CTSS: variants seen among roughly 807,000 people sequenced by gnomAD.
CTSS encodes cathepsin S.
Under a neutral mutation model 39.9 loss-of-function variants are expected in CTSS, and 15 were observed. The observed-to-expected ratio is 0.38, with a 90% CI of 0.25 to 0.58. The LOEUF (loss-of-function observed/expected upper bound fraction) is 0.58. CTSS is among the 20% of genes least tolerant of loss of function. The probability of loss-of-function intolerance (pLI) is 0.70; values close to 1 mark genes in which losing one functional copy is unlikely to be tolerated. For missense variants in CTSS, 250 were observed against 398.2 expected (o/e 0.63, Z 3.17); for synonymous variants, 126 against 138.2 (o/e 0.91, Z 0.62).
chr1:150,758,051 C>T, intron 2 of CTSS, 71 bp from the exon 3 acceptor site: 3 of 1,431,760 alleles, frequency 2.1e-6, no homozygotes, highest in South Asian at 1.3e-5. Context: ...ATGAAAATGG[C>T]AATTTTTTTT....
At chr1:150,751,702 A>C in intron 5 of CTSS, 79 bp downstream of exon 5, 1 of 1,286,312 alleles carries the variant, frequency 7.8e-7, no homozygotes. Context: ...AGCAATTGGC[A>C]TGGTGGCAAG....
chr1:150,741,587 A>T (rs1652757136), intron 7 of CTSS, among the ~76,000 whole-genome samples: 1 of 152,216 alleles, frequency 6.6e-6, no homozygotes, highest in African/African-American at 2.4e-5. Context: ...AAGTAATGGG[A>T]CACTGGCTGT....
rs587600777 is a variant in CTSS at position 150,759,936 on chromosome 1, G to A, written c.127-1956C>T. On this transcript the variant is annotated intron_variant, in intron 2 of 7. Transcript: ENST00000368985. ...AGGTTTTACTGTTACCCCAGTAATG[G>A]ACATAATGGGCATGCATGATGGGCT... Among the ~76,000 whole-genome samples, 16 of 151,964 alleles carry A rather than the reference G, an allele frequency of 1.1e-4. 2 individuals carry two copies. In the South Asian group the frequency reaches 2.9e-3, roughly 28 times the overall value.
chr1:150,746,205 C>T (rs895603059), intron 7 of CTSS, among the ~76,000 whole-genome samples: 2 of 152,186 alleles, frequency 1.3e-5, no homozygotes, highest in Non-Finnish European at 2.9e-5. Flanking sequence ...GACTTCCAGC[C>T]TCCAGAACTG....
At chr1:150,738,246 G>A (rs1055820783) in intron 7 of CTSS, among the ~76,000 whole-genome samples, 2 of 152,190 alleles carry the variant, frequency 1.3e-5, no homozygotes, top group African/African-American at 4.8e-5. Flanking sequence ...AATGGTAACA[G>A]CAGAGGTATT....
At position 150,757,961 on chromosome 1, in the gene CTSS, C is replaced by T. The variant is rs762154990; in HGVS notation, c.146G>A (p.Arg49His). 14 of 1,613,666 alleles carry T rather than the reference C, an allele frequency of 8.7e-6. No individual in the cohort carries two copies. Among genetic ancestry groups the T allele is most frequent in the Admixed American group, 3.3e-5 (2 of 59,976 alleles). ...CTTTAGATTCTTTTCCCAGATGAGA[C>T]GTCGTACTGCTTCTTCATTCTAAAA... ...YKEKNEEAVRRLIWEKNLKFV... is the reference protein window; with the variant it reads ...YKEKNEEAVRHLIWEKNLKFV... Residue 49 changes from arginine (R) to histidine (H), a missense_variant, in exon 3 of 8, where the codon CGT (arginine) becomes CAT (histidine). Arg to His is a conservative substitution (Grantham distance 29). Coordinates refer to ENST00000368985, the MANE Select transcript of CTSS (RefSeq NM_004079.5).
At chr1:150,746,488 T>C (rs1195330639) in intron 7 of CTSS, among the ~76,000 whole-genome samples, 1 of 152,184 alleles carries the variant, frequency 6.6e-6, no homozygotes, top group Non-Finnish European at 1.5e-5. Context: ...CAAAGGCACG[T>C]ACAGAACACT....
At chr1:150,736,570 G>A (rs1279378616) in intron 7 of CTSS, among the ~76,000 whole-genome samples, 1 of 152,112 alleles carries the variant, frequency 6.6e-6, no homozygotes, top group African/African-American at 2.4e-5. Context: ...CTGAGTTCTA[G>A]TATGAAAATT....
intron 7 of CTSS, among the ~76,000 whole-genome samples, chr1:150,741,126 T>C (rs956400193): frequency 1.3e-5 from 2 of 152,088 alleles, no homozygotes; most frequent in Non-Finnish European, 2.9e-5. Context: ...CTCAGCCTCT[T>C]GAGTAGTTGA....
At chr1:150,747,913 A>AAT in intron 6 of CTSS, 34 bp from the exon 7 acceptor site, 2 of 1,358,644 alleles carry the variant, frequency 1.5e-6, no homozygotes, top group Middle Eastern at 1.8e-4. Flanking sequence ...AAAAAGAGTG[A>AAT]ATACTATAGG....
rs1557805725 is a variant in CTSS at position 150,730,355 on chromosome 1, GC to G, written c.*2690del. The G allele has an allele frequency of 6.6e-6, 1 of 152,210 alleles. No individual in the cohort carries two copies. Among genetic ancestry groups the G allele is most frequent in the Non-Finnish European group, 1.5e-5 (1 of 68,032 alleles). 9.4% of individuals were successfully genotyped at this position (152,210 alleles called of 1,614,324 possible). On this transcript the variant is annotated 3_prime_UTR_variant, in exon 8 of 8. Transcript: ENST00000368985. Reference sequence around the variant, plus strand: ...ATGTCATAGGGCAAAGTGTGAACAAGCTAAATGTAATAAACTGGGGGAAACT... The same window carrying G: ...ATGTCATAGGGCAAAGTGTGAACAAGTAAATGTAATAAACTGGGGGAAACT...
chr1:150,759,597 A>G (rs951366358), intron 2 of CTSS, among the ~76,000 whole-genome samples: 18 of 152,266 alleles, frequency 1.2e-4, no homozygotes, highest in African/African-American at 3.9e-4. Context: ...ATTAGTGTGC[A>G]TATTATTCCT....
At chr1:150,735,894 T>C (rs1282225901) in intron 7 of CTSS, among the ~76,000 whole-genome samples, 2 of 151,766 alleles carry the variant, frequency 1.3e-5, no homozygotes, top group East Asian at 3.9e-4. Context: ...GTAGCTGGAA[T>C]TACAGGCGCC....
rs1653359430 is a variant in CTSS at position 150,765,693 on chromosome 1, C to T, written c.-2+5G>A. ...AATGGGAGAAAAAGAACAAAGAGTA[C>T]ATACGTGATAGAACCAGCAGTTGCT... On this transcript the variant is annotated splice_donor_5th_base_variant and intron_variant, in intron 1 of 7. Transcript: ENST00000368985. The T allele has an allele frequency of 6.6e-6, 1 of 152,148 alleles. No homozygotes were observed. Among genetic ancestry groups the T allele is most frequent in the Non-Finnish European group, 1.5e-5 (1 of 68,030 alleles). The allele number at this position is 152,148 out of a possible 1,614,324, so 9.4% of individuals were successfully genotyped here.
chr1:150,743,680 T>G (rs1318981974), intron 7 of CTSS, among the ~76,000 whole-genome samples: 3 of 63,488 alleles, frequency 4.7e-5, no homozygotes, highest in Admixed American at 2.4e-4. Context: ...TATTATATAT[T>G]ATATGTATAT....
chr1:150,740,655 G>A (rs1652732271), intron 7 of CTSS, among the ~76,000 whole-genome samples: 1 of 152,102 alleles, frequency 6.6e-6, no homozygotes, highest in African/African-American at 2.4e-5. Context: ...GCCTCCCAAA[G>A]TGCTGGGATT....
chr1:150,759,721 GAATAC>G (rs1653213983), intron 2 of CTSS, among the ~76,000 whole-genome samples: 1 of 152,078 alleles, frequency 6.6e-6, no homozygotes, highest in Admixed American at 6.5e-5. Context: ...CATTTACATA[GAATAC>G]AATGATGTAG....
chr1:150,744,745 T>A (rs1334082555), intron 7 of CTSS, among the ~76,000 whole-genome samples: 1 of 148,216 alleles, frequency 6.7e-6, no homozygotes, highest in Non-Finnish European at 1.5e-5. Flanking sequence ...TCATGTTAGA[T>A]TGTGAGTGCC....
At chr1:150,758,727 G>GTTTT (rs1334675149) in intron 2 of CTSS, among the ~76,000 whole-genome samples, 1 of 151,428 alleles carries the variant, frequency 6.6e-6, no homozygotes, top group African/African-American at 2.4e-5. Flanking sequence ...TTGTTTGTTT[G>GTTTT]TTTTGGTAGA....
Sources: gnomAD v4.1 joint callset for allele counts (sites outside exome capture counted in the v4.1 genomes callset) on GRCh38, gnomAD v4.1.1 for gene constraint, MANE v1.5 for transcripts, NCBI Gene and HGNC (gene_info 2026-07-23, HGNC 2026-07-21) for gene names.